SAMTOR: variants seen among roughly 807,000 people sequenced by gnomAD.
SAMTOR encodes S-adenosylmethionine sensor upstream of mTORC1, also known as UPF0532 protein C7orf60.
At chr7:112,830,328 C>A in the SAMTOR span, among the ~76,000 whole-genome samples, 2 of 152,182 alleles carry the variant, frequency 1.3e-5, no homozygotes, top group Non-Finnish European at 2.9e-5. Flanking sequence ...CCCATCTTGG[C>A]TGGAAGAGTA....
chr7:112,920,847 T>A, the SAMTOR span, among the ~76,000 whole-genome samples: 1 of 151,990 alleles, frequency 6.6e-6, no homozygotes, highest in Non-Finnish European at 1.5e-5. Context: ...CCATTCACAA[T>A]TGCTTCAAAG....
the SAMTOR span, among the ~76,000 whole-genome samples, chr7:112,890,548 T>C: frequency 6.6e-6 from 1 of 151,918 alleles, no homozygotes; most frequent in African/African-American, 2.4e-5. Flanking sequence ...GCATAGTCCA[T>C]ACTCAGGGGA....
At chr7:112,938,948 C>G in the SAMTOR span, among the ~76,000 whole-genome samples, 81 of 152,186 alleles carry the variant, frequency 5.3e-4, 3 homozygotes, top group East Asian at 0.012. Flanking sequence ...TCTTCCTCAT[C>G]GCCTAAATAA....
the SAMTOR span, among the ~76,000 whole-genome samples, chr7:112,920,947 G>A: frequency 6.6e-6 from 1 of 152,064 alleles, no homozygotes; most frequent in African/African-American, 2.4e-5. Context: ...AAATAAAAGA[G>A]GATACAAACA....
chr7:112,895,426 T>C, the SAMTOR span: 2 of 535,810 alleles, frequency 3.7e-6, no homozygotes, highest in South Asian at 1.2e-4. Flanking sequence ...TTTAATCTAA[T>C]AATATTACCT....
At chr7:112,858,576 TCC>T in the SAMTOR span, among the ~76,000 whole-genome samples, 1 of 152,170 alleles carries the variant, frequency 6.6e-6, no homozygotes, top group Non-Finnish European at 1.5e-5. Flanking sequence ...AAATCCTTTT[TCC>T]AGTTAGCAAA....
the SAMTOR span, among the ~76,000 whole-genome samples, chr7:112,833,014 T>C: frequency 6.6e-6 from 1 of 152,212 alleles, no homozygotes; most frequent in African/African-American, 2.4e-5. Flanking sequence ...TGAGCTCAAG[T>C]GATCCTCCAG....
chr7:112,871,942 G>C, the SAMTOR span, among the ~76,000 whole-genome samples: 1 of 152,142 alleles, frequency 6.6e-6, no homozygotes, highest in African/African-American at 2.4e-5. Flanking sequence ...ATTAAATTGG[G>C]AAGAAATTGA....
the SAMTOR span, among the ~76,000 whole-genome samples, chr7:112,838,100 T>C: frequency 6.6e-6 from 1 of 151,378 alleles, no homozygotes; most frequent in Non-Finnish European, 1.5e-5. Flanking sequence ...GTGAAAAGGG[T>C]GTTTGTGTGA....
At chr7:112,895,224 ATAC>A in the SAMTOR span, among the ~76,000 whole-genome samples, 6 of 151,160 alleles carry the variant, frequency 4.0e-5, no homozygotes, top group South Asian at 2.1e-4. Context: ...TAACTATATA[ATAC>A]TATTATATAA....
At chr7:112,907,667 G>A in the SAMTOR span, among the ~76,000 whole-genome samples, 1 of 150,776 alleles carries the variant, frequency 6.6e-6, no homozygotes. Flanking sequence ...ATAATTCACA[G>A]GAAAAAAAGG....
At chr7:112,939,489 C>A in the SAMTOR span, 1 of 1,561,740 alleles carries the variant, frequency 6.4e-7, no homozygotes. Flanking sequence ...ACGTGCAGAT[C>A]CTTTACATTT....
the SAMTOR span, among the ~76,000 whole-genome samples, chr7:112,922,668 A>G: frequency 6.8e-6 from 1 of 147,356 alleles, no homozygotes; most frequent in Non-Finnish European, 1.5e-5. Context: ...GGAGGTGAGG[A>G]GCGTCTCTGC....
the SAMTOR span, among the ~76,000 whole-genome samples, chr7:112,891,250 T>C: frequency 1.3e-5 from 2 of 152,238 alleles, no homozygotes; most frequent in African/African-American, 4.8e-5. Context: ...TAGTAAGTCG[T>C]TATGCATTAT....
the SAMTOR span, chr7:112,895,675 CTCT>C: frequency 6.3e-7 from 1 of 1,585,798 alleles, no homozygotes; most frequent in Non-Finnish European, 8.6e-7. Flanking sequence ...GCAAGTACAG[CTCT>C]TTTTTCATCT....
At chr7:112,934,442 T>C in the SAMTOR span, among the ~76,000 whole-genome samples, 17 of 152,246 alleles carry the variant, frequency 1.1e-4, no homozygotes, top group Admixed American at 1.1e-3. Context: ...TGTATGCTAA[T>C]AGCTATCTAC....
the SAMTOR span, among the ~76,000 whole-genome samples, chr7:112,880,450 A>C: frequency 6.6e-6 from 1 of 152,182 alleles, no homozygotes; most frequent in Non-Finnish European, 1.5e-5. Context: ...ACTGTAAAGA[A>C]GCAACTGATA....
the SAMTOR span, among the ~76,000 whole-genome samples, chr7:112,877,886 T>TGA: frequency 6.6e-6 from 1 of 152,196 alleles, no homozygotes; most frequent in African/African-American, 2.4e-5. Flanking sequence ...CCTTCCGCTG[T>TGA]GAATAATAGC....
chr7:112,881,092 T>C, the SAMTOR span, among the ~76,000 whole-genome samples: 21 of 152,320 alleles, frequency 1.4e-4, no homozygotes, highest in African/African-American at 5.1e-4. Context: ...CAGAAGTGCC[T>C]GCTCCTGCCG....
Sources: allele counts gnomAD v4.1 joint callset (sites outside exome capture counted in the v4.1 genomes callset), GRCh38; gene constraint gnomAD v4.1.1; transcripts MANE v1.5; gene names NCBI Gene and HGNC (gene_info 2026-07-23, HGNC 2026-07-21).